Variants in VPS54 observed in about 807,000 individuals in gnomAD.
VPS54 encodes VPS54 subunit of GARP complex.
VPS54 carries 45 observed loss-of-function variants against 121.5 expected under a neutral mutation model. The observed-to-expected ratio is 0.37, with a 90% CI of 0.29 to 0.47. VPS54 has a LOEUF of 0.47. Ranked by LOEUF, VPS54 falls within the 20% of genes least tolerant of loss-of-function variation. VPS54 has a pLI of 0.99. For synonymous variants in VPS54, 371 were observed against 385.8 expected, an observed-to-expected ratio of 0.96 and a Z score of 0.45; for missense variants, 1,090 against 1,131.4, an observed-to-expected ratio of 0.96 and a Z score of 0.52.
At position 63,990,995 on chromosome 2, in the gene VPS54, G is replaced by A. The variant is rs1019443718; in HGVS notation, c.-20-6976C>T. Among the ~76,000 whole-genome samples, 11 of 152,088 alleles carry A rather than the reference G, an allele frequency of 7.2e-5. No homozygotes were observed. The East Asian group carries it at 9.6e-4, about 13-fold the overall frequency. On this transcript the variant is annotated intron_variant, in intron 1 of 22. Transcript: ENST00000272322. ...ACCCCATTAAAGCATTTACAATTTC[G>A]TATCTGGTGGTCACAAGAGGCCCAT...
intron 20 of VPS54, among the ~76,000 whole-genome samples, chr2:63,902,469 A>G (rs1453448466): frequency 6.6e-6 from 1 of 152,212 alleles, no homozygotes; most frequent in Non-Finnish European, 1.5e-5. Context: ...ATAGCCTGAC[A>G]GAAGAGGCAT....
At chr2:63,924,421 G>A (rs1278828619) in intron 12 of VPS54, among the ~76,000 whole-genome samples, 2 of 152,106 alleles carry the variant, frequency 1.3e-5, no homozygotes, top group African/African-American at 4.8e-5. Flanking sequence ...AGGTAACAGA[G>A]AACTAAGAAA....
chr2:63,978,140 T>C (rs938498636), intron 3 of VPS54, among the ~76,000 whole-genome samples: 2 of 152,246 alleles, frequency 1.3e-5, no homozygotes, highest in Non-Finnish European at 2.9e-5. Flanking sequence ...TTCTCAGTTG[T>C]TGATTTTCAG....
intron 1 of VPS54, among the ~76,000 whole-genome samples, chr2:63,990,200 A>G (rs1334194065): frequency 6.6e-6 from 1 of 152,066 alleles, no homozygotes; most frequent in African/African-American, 2.4e-5. Flanking sequence ...CTCTCCCTTC[A>G]GCTACTCCTC....
chr2:63,893,308 C>T lies in VPS54; in HGVS notation c.*122G>A. 1 of 877,294 alleles carries T rather than the reference C, an allele frequency of 1.1e-6. No homozygotes were observed. Among genetic ancestry groups the T allele is most frequent in the African/African-American group, 1.6e-5 (1 of 60,826 alleles). 54.3% of individuals were successfully genotyped at this position (877,294 alleles called of 1,614,324 possible). ...CCAACACTTGATACTTTCCTTTTTCCCTTCCCCCACCCCAGTTCACTTTGG... is the reference window on the plus strand; with the variant it reads ...CCAACACTTGATACTTTCCTTTTTCTCTTCCCCCACCCCAGTTCACTTTGG... On this transcript the variant is annotated 3_prime_UTR_variant, in exon 23 of 23. Coordinates refer to ENST00000272322, the MANE Select transcript of VPS54 (RefSeq NM_016516.3).
At chr2:63,920,082 G>A (rs1404279193) in intron 14 of VPS54, 87 bp from the exon 15 acceptor site, 1 of 1,129,884 alleles carries the variant, frequency 8.9e-7, no homozygotes, top group Non-Finnish European at 1.3e-6. Context: ...GAAGAGCTGA[G>A]TGAGAACATA....
At chr2:63,913,796 G>A in intron 17 of VPS54, 1 of 994,832 alleles carries the variant, frequency 1.0e-6, no homozygotes, top group Non-Finnish European at 1.2e-6. Flanking sequence ...CAATGGTTCT[G>A]AAAGAATGAT....
rs1674892624 is a variant in VPS54, at chr2:63,944,629, T to C, written c.1272A>G (p.Thr424=). The part of the protein sequence containing the change: ...KQCVINKVSQ[T]EEIDTDVVVK... Reference sequence around the variant, plus strand: ...CAACAACATCTGTGTCTATTTCTTCTGTTTGTGAAACTTTATTAATCACAC... The same window carrying C: ...CAACAACATCTGTGTCTATTTCTTCCGTTTGTGAAACTTTATTAATCACAC... Residue 424 remains threonine (T), a synonymous_variant, in exon 10 of 23, where the codon ACA becomes ACG. Transcript: ENST00000272322. 2 of 1,610,302 alleles carry C rather than the reference T, an allele frequency of 1.2e-6. No individual in the cohort carries two copies. Among genetic ancestry groups the C allele is most frequent in the African/African-American group, 1.3e-5 (1 of 74,802 alleles).
At chr2:63,906,573 G>GTTT (rs1672912049) in intron 20 of VPS54, among the ~76,000 whole-genome samples, 1 of 152,172 alleles carries the variant, frequency 6.6e-6, no homozygotes, top group South Asian at 2.1e-4. Context: ...GCTCACTGGG[G>GTTT]GAAAAGCACT....
intron 1 of VPS54, among the ~76,000 whole-genome samples, chr2:63,992,138 C>A (rs972585168): frequency 6.6e-6 from 1 of 152,086 alleles, no homozygotes; most frequent in Admixed American, 6.5e-5. Context: ...CCATTCCGGC[C>A]GGTGACTCAA....
intron 1 of VPS54, among the ~76,000 whole-genome samples, chr2:63,998,602 G>A (rs1430351775): frequency 1.3e-5 from 2 of 152,028 alleles, no homozygotes; most frequent in Non-Finnish European, 2.9e-5. Context: ...CATGAGGCTT[G>A]CAAATACTAT....
At chr2:63,926,910 G>A (rs1456413401) in intron 12 of VPS54, among the ~76,000 whole-genome samples, 1 of 152,166 alleles carries the variant, frequency 6.6e-6, no homozygotes, top group Non-Finnish European at 1.5e-5. Flanking sequence ...AGATCCACCT[G>A]GGATGTGAGA....
intron 3 of VPS54, among the ~76,000 whole-genome samples, chr2:63,978,286 C>T (rs1017727744): frequency 6.6e-6 from 1 of 152,176 alleles, no homozygotes; most frequent in African/African-American, 2.4e-5. Context: ...TAAATTCCCA[C>T]CAGCGGTATA....
rs371091282 is a variant in VPS54, at chr2:63,997,574, GTCT to G, written c.-20-13558_-20-13556del. On this transcript the variant is annotated intron_variant, in intron 1 of 22. Coordinates refer to ENST00000272322, the MANE Select transcript of VPS54 (RefSeq NM_016516.3). ...CTTTTTTCATCTCTGATCTTTTGGG[GTCT>G]TCTTTTTTCTTAGTCTGGCAAAAGA... 3.6e-3 allele frequency among the ~76,000 whole-genome samples: 555 copies of G among 152,082 alleles called. 3 individuals carry two copies. The highest frequency in any genetic ancestry group is 0.012 in the African/African-American group (506 of 41,510).
At chr2:63,974,900 T>G in intron 3 of VPS54, 1 of 1,368,488 alleles carries the variant, frequency 7.3e-7, no homozygotes, top group South Asian at 1.6e-5. Context: ...TTCCTAATTT[T>G]TATATATTTT....
chr2:63,917,012 A>G (rs1558989622), intron 15 of VPS54, 49 bp from the exon 16 acceptor site: 2 of 1,584,496 alleles, frequency 1.3e-6, no homozygotes, highest in Non-Finnish European at 1.7e-6. Flanking sequence ...AGACGAAACA[A>G]AATAGAGAAA....
chr2:63,972,286 A>C (rs756194194), intron 3 of VPS54, 42 bp from the exon 4 acceptor site: 19 of 1,427,980 alleles, frequency 1.3e-5, no homozygotes, highest in Admixed American at 5.5e-5. Context: ...ATGTGTAAAC[A>C]TGAGTATTCA....
chr2:63,914,164 G>A lies in VPS54; in HGVS notation c.2334+18C>T, dbSNP rs753571706. ...TTCCTCGAAAAATTTTTCCATAATG[G>A]AGTGAAGTCATACATACCTTCAATA... On this transcript the variant is annotated intron_variant, in intron 17 of 22. Coordinates refer to ENST00000272322, the MANE Select transcript of VPS54 (RefSeq NM_016516.3). 1.2e-5 allele frequency: 19 copies of A among 1,585,472 alleles called. No individual in the cohort carries two copies. Among genetic ancestry groups the A allele is most frequent in the African/African-American group, 2.7e-5 (2 of 74,166 alleles).
intron 1 of VPS54, among the ~76,000 whole-genome samples, chr2:63,996,533 G>A (rs1174168560): frequency 1.3e-5 from 2 of 152,192 alleles, no homozygotes; most frequent in African/African-American, 4.8e-5. Flanking sequence ...GAACAAGGGA[G>A]ATAACCATTA....
Sources: allele counts gnomAD v4.1 joint callset (sites outside exome capture counted in the v4.1 genomes callset), GRCh38; gene constraint gnomAD v4.1.1; transcripts MANE v1.5; gene names NCBI Gene and HGNC (gene_info 2026-07-23, HGNC 2026-07-21).